NACC1: variants seen among roughly 807,000 people sequenced by gnomAD.
NACC1 encodes the protein nucleus accumbens associated 1.
A neutral mutation model predicts 41.7 loss-of-function variants in NACC1; 6 were observed. That is an observed-to-expected ratio of 0.14 (90% CI 0.08 to 0.28). The LOEUF is 0.28. Ranked by LOEUF, NACC1 falls within the 10% of genes least tolerant of loss-of-function variation. The pLI is 1.00. For missense variants in NACC1, 434 were observed against 763.7 expected (o/e 0.57, Z 5.09); for synonymous variants, 338 against 330.6 (o/e 1.02, Z -0.24).
At chr19:13,118,078 T>A (rs902162766), upstream of NACC1, 2 of 152,154 alleles carry the variant, frequency 1.3e-5, no homozygotes, top group African/African-American at 4.8e-5. Context: ...ACCATCGAGC[T>A]GAGCCGACGT....
At chr19:13,125,374 C>T (rs1401659730) in intron 1 of NACC1, among the ~76,000 whole-genome samples, 2 of 150,548 alleles carry the variant, frequency 1.3e-5, no homozygotes, top group African/African-American at 4.9e-5. Context: ...TTCATGAGGA[C>T]AGAGCCCTCC....
At position 13,118,352 on chromosome 19, in the gene NACC1, A is replaced by T. The variant is rs1177008460; in HGVS notation, c.-111A>T. 1.4e-5 allele frequency: 2 copies of T among 146,506 alleles called. No individual in the cohort carries two copies. The highest frequency in any genetic ancestry group is 3.0e-5 in the Non-Finnish European group (2 of 65,860). The allele number at this position is 146,506 out of a possible 1,614,324, so 9.1% of individuals were successfully genotyped here. ...GAGGCCGCGGAGGCCGCGGAGGCGG[A>T]GGCCGAGGCCCCGGCGCAGCGGGGC... On this transcript the variant is annotated 5_prime_UTR_variant, in exon 1 of 6. Transcript: ENST00000292431.
intron 1 of NACC1, among the ~76,000 whole-genome samples, chr19:13,133,382 C>A (rs765100609): frequency 6.6e-6 from 1 of 151,856 alleles, no homozygotes; most frequent in African/African-American, 2.4e-5. Flanking sequence ...AAAGAATAAA[C>A]CCCACACACC....
intron 1 of NACC1, among the ~76,000 whole-genome samples, chr19:13,127,400 T>C (rs182658856): frequency 0.034 from 3,383 of 100,746 alleles, 170 homozygotes; most frequent in African/African-American, 0.089. Flanking sequence ...TTTTTTTTTT[T>C]CGGTTAACTG....
At position 13,136,529 on chromosome 19, in the gene NACC1, G is replaced by A. The variant is rs1568386140; in HGVS notation, c.1120+124G>A. 3 of 1,160,276 alleles carry A rather than the reference G, an allele frequency of 2.6e-6. No individual in the cohort carries two copies. Among genetic ancestry groups the A allele is most frequent in the East Asian group, 2.6e-5 (1 of 38,868 alleles). 71.9% of individuals were successfully genotyped at this position (1,160,276 alleles called of 1,614,324 possible). On this transcript the variant is annotated intron_variant, in intron 3 of 5. Transcript: ENST00000292431. This position sits in a 1 kb window ranked among gnomAD's most constrained non-coding sequence, Gnocchi z 5.5. ...TTTCCCTATCTGTGCTGTAGTGTTG[G>A]TAACAGCCACCCTAAGGGTGGGGGC...
rs796508063 is a variant in NACC1 at position 13,122,534 on chromosome 19, G to T, written c.-9+4080G>T. Reference sequence around the variant, plus strand: ...TTGGTTGCCCCTGCCGGGGGGGGGGGGGTGTGCTGCTGGCATCTAGTGGGT... The same window carrying T: ...TTGGTTGCCCCTGCCGGGGGGGGGGTGGTGTGCTGCTGGCATCTAGTGGGT... On this transcript the variant is annotated intron_variant, in intron 1 of 5. Coordinates refer to ENST00000292431, the MANE Select transcript of NACC1 (RefSeq NM_052876.4). Among the ~76,000 whole-genome samples, 45 of 150,646 alleles carry T rather than the reference G, an allele frequency of 3.0e-4. 1 individual carries two copies. Among genetic ancestry groups the T allele is most frequent in the South Asian group, 4.2e-4 (2 of 4,724 alleles).
At chr19:13,133,293 C>T (rs765967685) in intron 1 of NACC1, among the ~76,000 whole-genome samples, 3 of 151,522 alleles carry the variant, frequency 2.0e-5, no homozygotes, top group African/African-American at 2.4e-5. Context: ...GGAGGCCGGG[C>T]GTGATAGCTC....
At chr19:13,129,789 G>A (rs2019609328) in intron 1 of NACC1, among the ~76,000 whole-genome samples, 1 of 152,084 alleles carries the variant, frequency 6.6e-6, no homozygotes, top group African/African-American at 2.4e-5. Flanking sequence ...TTCTCAGGAG[G>A]GGACCTGGGC....
Position 13,122,523 on chromosome 19 carries a change from CGGG to C in NACC1, c.-9+4080_-9+4082del, listed in dbSNP as rs79172329. ...TGGGGACATTTTTGGTTGCCCCTGC[CGGG>C]GGGGGGGGGGTGTGCTGCTGGCATC... On this transcript the variant is annotated intron_variant, in intron 1 of 5. Transcript: ENST00000292431. 2.6e-3 allele frequency among the ~76,000 whole-genome samples: 200 copies of C among 76,870 alleles called. 3 individuals are homozygous for C. The highest frequency in any genetic ancestry group is 0.014 in the Middle Eastern group (2 of 144). 50.4% of individuals were successfully genotyped at this position (76,870 alleles called of 152,430 possible).
At chr19:13,120,162 A>C (rs1430661953) in intron 1 of NACC1, among the ~76,000 whole-genome samples, 1 of 151,882 alleles carries the variant, frequency 6.6e-6, no homozygotes, top group Non-Finnish European at 1.5e-5. Context: ...GGAACAGTGG[A>C]GGTATCTTTC....
intron 1 of NACC1, among the ~76,000 whole-genome samples, chr19:13,121,336 C>A (rs2019489492): frequency 6.6e-6 from 1 of 152,040 alleles, no homozygotes; most frequent in Non-Finnish European, 1.5e-5. Context: ...GGGGGATGAC[C>A]CTACTGTGGA....
intron 1 of NACC1, among the ~76,000 whole-genome samples, chr19:13,129,381 G>A (rs1568383889): frequency 6.6e-6 from 1 of 152,158 alleles, no homozygotes; most frequent in African/African-American, 2.4e-5. Context: ...TGGGGCTAGC[G>A]TGGGTGAGGG....
Position 13,138,505 on chromosome 19 carries a change from C to G in NACC1, c.*99C>G. ...CTACTGTCTGTCCCTCCCCAGGACC[C>G]GCGGTGGGTGCTGCATGTTCCCGGC... On this transcript the variant is annotated 3_prime_UTR_variant, in exon 6 of 6. Coordinates refer to ENST00000292431, the MANE Select transcript of NACC1 (RefSeq NM_052876.4). The surrounding 1 kb of genome is among the most constrained non-coding windows in gnomAD (Gnocchi z 5.7). 2 of 1,503,410 alleles carry G rather than the reference C, an allele frequency of 1.3e-6. No homozygotes were observed. Among genetic ancestry groups the G allele is most frequent in the Non-Finnish European group, 1.8e-6 (2 of 1,120,470 alleles). 93.1% of individuals were successfully genotyped at this position (1,503,410 alleles called of 1,614,324 possible).
chr19:13,128,426 C>T (rs1257922500), intron 1 of NACC1, among the ~76,000 whole-genome samples: 3 of 152,188 alleles, frequency 2.0e-5, no homozygotes, highest in Non-Finnish European at 4.4e-5. Context: ...CCGTTATGAC[C>T]TCAATTAACC....
At chr19:13,126,607 G>A (rs2145615449) in intron 1 of NACC1, among the ~76,000 whole-genome samples, 1 of 152,160 alleles carries the variant, frequency 6.6e-6, no homozygotes, top group Admixed American at 6.5e-5. Context: ...CAGATGGCAG[G>A]ATCCACCGGC....
At position 13,138,497 on chromosome 19, in the gene NACC1, C is replaced by T; in HGVS notation, c.*91C>T. On this transcript the variant is annotated 3_prime_UTR_variant, in exon 6 of 6. Transcript: ENST00000292431. The surrounding 1 kb of genome is among the most constrained non-coding windows in gnomAD (Gnocchi z 5.7). Reference sequence around the variant, plus strand: ...GTCATGAGCTACTGTCTGTCCCTCCCCAGGACCCGCGGTGGGTGCTGCATG... The same window carrying T: ...GTCATGAGCTACTGTCTGTCCCTCCTCAGGACCCGCGGTGGGTGCTGCATG... 1 of 1,530,728 alleles carries T rather than the reference C, an allele frequency of 6.5e-7. No homozygotes were observed. The highest frequency in any genetic ancestry group is 1.8e-5 in the Admixed American group (1 of 54,782). 94.8% of individuals were successfully genotyped at this position (1,530,728 alleles called of 1,614,324 possible).
chr19:13,137,161 C>T lies in NACC1; in HGVS notation c.1121-110C>T. 9.4e-7 allele frequency: 1 copy of T among 1,069,130 alleles called. No individual in the cohort carries two copies. Among genetic ancestry groups the T allele is most frequent in the East Asian group, 2.4e-5 (1 of 41,118 alleles). The allele number at this position is 1,069,130 out of a possible 1,614,324, so 66.2% of individuals were successfully genotyped here. ...GGTCCCTGGGTGAGTTTTCTTGGGA[C>T]CCAGAGCCCAGCAGGGAGGGCCTGG... On this transcript the variant is annotated intron_variant, in intron 3 of 5. Transcript: ENST00000292431. The surrounding 1 kb of genome is among the most constrained non-coding windows in gnomAD (Gnocchi z 6.1).
rs1323047182 is a variant in NACC1 at position 13,136,396 on chromosome 19, C to G, written c.1111C>G (p.Leu371Val). 3 of 1,612,748 alleles carry G rather than the reference C, an allele frequency of 1.9e-6. No individual in the cohort carries two copies. Among genetic ancestry groups the G allele is most frequent in the Admixed American group, 3.3e-5 (2 of 59,900 alleles). ...DEGDPSEKLE[L>V]VTGTNVYITR... ...GGGCGACCCCTCTGAGAAGCTGGAG[C>G]TGGTGACAGGTGGGCCGGTCTCGCC... The change falls in exon 3 of 6, where the codon CTG (leucine) becomes GTG (valine). Residue 371 changes from leucine to valine, a missense_variant. Leu to Val is a conservative substitution (Grantham distance 32). Coordinates refer to ENST00000292431, the MANE Select transcript of NACC1 (RefSeq NM_052876.4). The surrounding 1 kb of genome is among the most constrained non-coding windows in gnomAD (Gnocchi z 5.5).
At chr19:13,135,138 A>G in intron 1 of NACC1, 62 bp from the exon 2 acceptor site, 1 of 1,466,080 alleles carries the variant, frequency 6.8e-7, no homozygotes, top group Admixed American at 2.6e-5. Context: ...CAGCACCCAC[A>G]TTTGCCGCCT....
Sources: gnomAD v4.1 joint callset for allele counts (sites outside exome capture counted in the v4.1 genomes callset) on GRCh38, gnomAD v4.1.1 for gene constraint, Gnocchi (gnomAD v3.1) non-coding constraint, MANE v1.5 for transcripts, NCBI Gene and HGNC (gene_info 2026-07-23, HGNC 2026-07-21) for gene names.